The following CEP128 variants were observed in gnomAD, a reference collection of about 807,000 sequenced individuals.
CEP128 encodes centrosomal protein 128kDa.
A neutral mutation model predicts 156.7 loss-of-function variants in CEP128; 132 were observed. The ratio of observed to expected loss-of-function variants is 0.84; its 90% CI spans 0.73 to 0.97. The LOEUF (loss-of-function observed/expected upper bound fraction) is 0.97, where lower values mean the gene tolerates loss of function less well. CEP128 is among the 50% of genes least tolerant of loss of function. The pLI, the probability that CEP128 is intolerant of heterozygous loss-of-function variation, is 0.00. For missense variants in CEP128, 1,252 were observed against 1,281.9 expected, an observed-to-expected ratio of 0.98 and a Z score of 0.36; for synonymous variants, 469 against 448.9, an observed-to-expected ratio of 1.04 and a Z score of -0.57.
chr14:80,555,406 C>T (rs1286766936), intron 21 of CEP128, among the ~76,000 whole-genome samples: 1 of 152,118 alleles, frequency 6.6e-6, no homozygotes, highest in Non-Finnish European at 1.5e-5. Flanking sequence ...TAGGGTTCCA[C>T]TGATCTTCCT....
intron 19 of CEP128, among the ~76,000 whole-genome samples, chr14:80,592,854 A>G (rs531656467): frequency 8.7e-4 from 133 of 152,306 alleles, no homozygotes; most frequent in Non-Finnish European, 1.4e-3. Context: ...GCATACACAA[A>G]TCAATAAATG....
intron 13 of CEP128, among the ~76,000 whole-genome samples, chr14:80,795,371 T>C (rs112422712): frequency 2.0e-5 from 3 of 152,334 alleles, no homozygotes; most frequent in African/African-American, 7.2e-5. Context: ...AGATGACCAC[T>C]CCCTTGAGAT....
intron 4 of CEP128, among the ~76,000 whole-genome samples, chr14:80,907,248 C>A (rs377337913): frequency 6.6e-6 from 1 of 152,028 alleles, no homozygotes; most frequent in Admixed American, 6.6e-5. Flanking sequence ...GAAGCTGCTT[C>A]TTTTGTCCCT....
chr14:80,638,199 A>G (rs1231076866), intron 19 of CEP128, among the ~76,000 whole-genome samples: 1 of 152,238 alleles, frequency 6.6e-6, no homozygotes. Flanking sequence ...TACTAAATAA[A>G]GAACAATGAA....
intron 2 of CEP128, among the ~76,000 whole-genome samples, chr14:80,950,375 G>A (rs1886437084): frequency 6.6e-6 from 1 of 152,100 alleles, no homozygotes; most frequent in Admixed American, 6.5e-5. Context: ...AACTAAGATA[G>A]ATATCAAGGC....
At chr14:80,790,357 C>T (rs1369453881) in intron 14 of CEP128, among the ~76,000 whole-genome samples, 1 of 152,018 alleles carries the variant, frequency 6.6e-6, no homozygotes, top group Non-Finnish European at 1.5e-5. Context: ...TTTCCTTTAT[C>T]GTTTTCAAAG....
intron 4 of CEP128, among the ~76,000 whole-genome samples, chr14:80,909,278 C>G (rs1187539308): frequency 6.6e-6 from 1 of 151,456 alleles, no homozygotes; most frequent in East Asian, 1.9e-4. Context: ...CCTACCAATG[C>G]CAAAAGCAGA....
At chr14:80,640,819 T>C (rs1280449628) in intron 19 of CEP128, among the ~76,000 whole-genome samples, 1 of 152,226 alleles carries the variant, frequency 6.6e-6, no homozygotes, top group East Asian at 1.9e-4. Context: ...ATTAGAAAAC[T>C]TGGCCCACAT....
intron 1 of CEP128, among the ~76,000 whole-genome samples, chr14:80,940,483 A>C (rs1444555113): frequency 6.6e-6 from 1 of 152,118 alleles, no homozygotes; most frequent in Non-Finnish European, 1.5e-5. Flanking sequence ...ATACATGTAA[A>C]ATACACAAGA....
intron 9 of CEP128, among the ~76,000 whole-genome samples, chr14:80,855,489 T>C (rs1022643149): frequency 1.3e-5 from 2 of 151,710 alleles, no homozygotes; most frequent in Admixed American, 6.6e-5. Flanking sequence ...AACAATATAA[T>C]AGGGAAAGGA....
intron 19 of CEP128, among the ~76,000 whole-genome samples, chr14:80,678,362 C>T (rs544755142): frequency 6.7e-6 from 1 of 149,276 alleles, no homozygotes; most frequent in Admixed American, 6.6e-5. Flanking sequence ...GTTCTCACTC[C>T]ATTCCAAAAA....
At chr14:80,684,213 GA>G (rs1398536023) in intron 19 of CEP128, among the ~76,000 whole-genome samples, 1 of 151,876 alleles carries the variant, frequency 6.6e-6, no homozygotes, top group Non-Finnish European at 1.5e-5. Flanking sequence ...TAACAAAGGG[GA>G]AAAAAATAGA....
intron 19 of CEP128, among the ~76,000 whole-genome samples, chr14:80,735,179 C>CTATA (rs1318005132): frequency 6.6e-6 from 1 of 151,960 alleles, no homozygotes. Context: ...GATTTTAACA[C>CTATA]TATAGTACAA....
At chr14:80,848,847 A>T (rs956039770) in intron 9 of CEP128, among the ~76,000 whole-genome samples, 10 of 151,416 alleles carry the variant, frequency 6.6e-5, no homozygotes, top group African/African-American at 2.4e-4. Flanking sequence ...ACTTGAACCC[A>T]GGAGGTGGTG....
intron 19 of CEP128, among the ~76,000 whole-genome samples, chr14:80,596,491 G>A (rs966381049): frequency 5.3e-5 from 8 of 151,934 alleles, no homozygotes; most frequent in Non-Finnish European, 1.0e-4. Flanking sequence ...CTCAAGGGAG[G>A]TTTAAAAATA....
rs937675990 is a variant in CEP128 at position 80,626,389 on chromosome 14, G to A, written c.2807-45966C>T. ...TGAGGCAGGAGAATGGCGTGAACCC[G>A]GGAAGCGGAGCTTGCAGTGAGCCGA... On this transcript the variant is annotated intron_variant, in intron 19 of 24. Transcript: ENST00000555265. Among the ~76,000 whole-genome samples the A allele has an allele frequency of 1.2e-4, 18 of 149,178 alleles. No homozygotes were observed. The East Asian group carries it at 1.4e-3, about 12-fold the overall frequency.
At chr14:80,510,127 T>C (rs2371297) in intron 23 of CEP128, among the ~76,000 whole-genome samples, 111,824 of 152,088 alleles carry the variant, frequency 0.74, 44,872 homozygotes, top group Non-Finnish European at 0.88. Flanking sequence ...TCTACAAAAA[T>C]TTTTGGATAG....
chr14:80,570,419 A>G (rs1344196303), intron 20 of CEP128, among the ~76,000 whole-genome samples: 3 of 151,994 alleles, frequency 2.0e-5, no homozygotes, highest in Non-Finnish European at 2.9e-5. Context: ...CCCGGCCCAT[A>G]TGTTCTTATT....
At chr14:80,553,083 C>CTT (rs5809997) in intron 21 of CEP128, among the ~76,000 whole-genome samples, 32,565 of 148,962 alleles carry the variant, frequency 0.22, 4,068 homozygotes, top group African/African-American at 0.33. Context: ...TTCTTTCTTT[C>CTT]TTTTTTTTAA....
Sources: allele counts gnomAD v4.1 joint callset (sites outside exome capture counted in the v4.1 genomes callset), GRCh38; gene constraint gnomAD v4.1.1; transcripts MANE v1.5; gene names NCBI Gene and HGNC (gene_info 2026-07-23, HGNC 2026-07-21).